The following HIP1 variants were observed in gnomAD, a reference collection of about 807,000 sequenced individuals.
HIP1 encodes the protein huntingtin-interacting protein 1.
HIP1 carries 65 observed loss-of-function variants against 147.6 expected under a neutral mutation model. The observed-to-expected ratio is 0.44, with a 90% CI of 0.36 to 0.54. The LOEUF is 0.54. Ranked by LOEUF, HIP1 falls within the 20% of genes least tolerant of loss-of-function variation. The probability of loss-of-function intolerance (pLI) is 0.00; values close to 1 mark genes in which losing one functional copy is unlikely to be tolerated. For missense variants in HIP1, 1,061 were observed against 1,299.6 expected (o/e 0.82, Z 2.82); for synonymous variants, 479 against 504.0 (o/e 0.95, Z 0.67).
intron 2 of HIP1, among the ~76,000 whole-genome samples, chr7:75,594,327 A>G (rs1563229128): frequency 6.6e-6 from 1 of 151,014 alleles, no homozygotes; most frequent in Non-Finnish European, 1.5e-5. Context: ...TGAACACCCG[A>G]CTTCTTCCAT....
At chr7:75,692,985 C>G (rs1417111702) in intron 1 of HIP1, among the ~76,000 whole-genome samples, 1 of 151,572 alleles carries the variant, frequency 6.6e-6, no homozygotes, top group African/African-American at 2.4e-5. Context: ...GCCAACATGG[C>G]GAAGCTTGAT....
At chr7:75,578,302 C>CA (rs1795915411) in intron 7 of HIP1, among the ~76,000 whole-genome samples, 1 of 152,160 alleles carries the variant, frequency 6.6e-6, no homozygotes, top group South Asian at 2.1e-4. Flanking sequence ...AGCCGAACTG[C>CA]AACTTCTAGG....
At chr7:75,666,642 T>G (rs554196923) in intron 1 of HIP1, among the ~76,000 whole-genome samples, 1 of 152,212 alleles carries the variant, frequency 6.6e-6, no homozygotes, top group African/African-American at 2.4e-5. Flanking sequence ...ATAGAGCGGG[T>G]GTTACTGAAG....
chr7:75,698,405 G>A (rs879952242), intron 1 of HIP1, among the ~76,000 whole-genome samples: 13 of 152,126 alleles, frequency 8.5e-5, no homozygotes, highest in Admixed American at 6.6e-4. Flanking sequence ...GTAGAACCAG[G>A]TTTCAAACCC....
intron 1 of HIP1, among the ~76,000 whole-genome samples, chr7:75,736,114 C>T (rs1301476842): frequency 6.6e-6 from 1 of 151,740 alleles, no homozygotes; most frequent in African/African-American, 2.4e-5. Context: ...GAAAAATTCT[C>T]TTTTTCTGCT....
chr7:75,690,811 G>A (rs1017956799), intron 1 of HIP1, among the ~76,000 whole-genome samples: 1 of 151,776 alleles, frequency 6.6e-6, no homozygotes. Context: ...GCAGTGAGCC[G>A]AGATCGCGCC....
At chr7:75,698,142 C>T (rs1207875999) in intron 1 of HIP1, among the ~76,000 whole-genome samples, 1 of 152,078 alleles carries the variant, frequency 6.6e-6, no homozygotes, top group African/African-American at 2.4e-5. Context: ...ATCAACAGGT[C>T]TATTCTATGT....
chr7:75,592,286 G>C, intron 3 of HIP1, 86 bp downstream of exon 3: 1 of 1,498,780 alleles, frequency 6.7e-7, no homozygotes, highest in Non-Finnish European at 9.1e-7. Flanking sequence ...CAGTGTGGGA[G>C]AGGACAGCAG....
At chr7:75,594,801 C>T (rs1378847007) in intron 2 of HIP1, among the ~76,000 whole-genome samples, 1 of 152,160 alleles carries the variant, frequency 6.6e-6, no homozygotes. Context: ...CCTCTGGCCT[C>T]ACATGATTTT....
At chr7:75,616,318 G>A (rs1797660059) in intron 1 of HIP1, among the ~76,000 whole-genome samples, 1 of 151,938 alleles carries the variant, frequency 6.6e-6, no homozygotes, top group East Asian at 1.9e-4. Flanking sequence ...TGCCCAGGCT[G>A]CAGTGTAGTG....
intron 1 of HIP1, among the ~76,000 whole-genome samples, chr7:75,680,290 G>A (rs1236738843): frequency 2.0e-5 from 3 of 151,940 alleles, no homozygotes; most frequent in African/African-American, 4.8e-5. Context: ...GCAATTGCCC[G>A]CCTCGGCCTC....
chr7:75,685,714 A>C (rs1800239644), intron 1 of HIP1, among the ~76,000 whole-genome samples: 1 of 151,910 alleles, frequency 6.6e-6, no homozygotes, highest in Non-Finnish European at 1.5e-5. Flanking sequence ...ACGCCCGGCT[A>C]ATTTTTGTAT....
At chr7:75,670,789 T>TTTTTTTTA (rs1799708774) in intron 1 of HIP1, among the ~76,000 whole-genome samples, 1 of 142,630 alleles carries the variant, frequency 7.0e-6, no homozygotes, top group Non-Finnish European at 1.5e-5. Context: ...ATTAAAACTT[T>TTTTTTTTA]TTTTTTTTTT....
chr7:75,693,151 C>A (rs1467649794), intron 1 of HIP1, among the ~76,000 whole-genome samples: 3 of 148,992 alleles, frequency 2.0e-5, no homozygotes, highest in Non-Finnish European at 4.4e-5. Flanking sequence ...GGTAACAGAG[C>A]GAAACCCTGT....
At chr7:75,581,899 G>C (rs1362829201) in intron 6 of HIP1, among the ~76,000 whole-genome samples, 176 bp downstream of exon 6, 1 of 152,148 alleles carries the variant, frequency 6.6e-6, no homozygotes, top group Non-Finnish European at 1.5e-5. Context: ...GCCAGGCAGG[G>C]GTTCTGGATG....
chr7:75,581,497 G>C (rs1796043807), intron 6 of HIP1, among the ~76,000 whole-genome samples, 199 bp from the exon 7 acceptor site: 1 of 152,240 alleles, frequency 6.6e-6, no homozygotes. Flanking sequence ...GACAGCGACA[G>C]GTCGGGGGCG....
At chr7:75,681,858 T>C (rs186687203) in intron 1 of HIP1, among the ~76,000 whole-genome samples, 247 of 151,856 alleles carry the variant, frequency 1.6e-3, no homozygotes, top group African/African-American at 5.7e-3. Flanking sequence ...GAACATCTGT[T>C]CACCCGCCAG....
At chr7:75,577,027 C>T (rs375870815) in intron 7 of HIP1, among the ~76,000 whole-genome samples, 6 of 152,026 alleles carry the variant, frequency 3.9e-5, no homozygotes, top group South Asian at 2.1e-4. Context: ...GTGCACACTG[C>T]GGGTGCTTCT....
chr7:75,575,928 T>C (rs1303746871), intron 7 of HIP1, among the ~76,000 whole-genome samples: 3 of 149,860 alleles, frequency 2.0e-5, no homozygotes, highest in Non-Finnish European at 4.4e-5. Flanking sequence ...AAAAAAAAAA[T>C]CCCGAACTGT....
Sources: allele counts gnomAD v4.1 joint callset (sites outside exome capture counted in the v4.1 genomes callset), GRCh38; gene constraint gnomAD v4.1.1; transcripts MANE v1.5; gene names NCBI Gene and HGNC (gene_info 2026-07-23, HGNC 2026-07-21).